The following CLECL1 variants were observed in gnomAD, a reference collection of about 807,000 sequenced individuals.
CLECL1 encodes the protein C-type lectin like 1.
chr12:9,721,094 A>G (rs1866304222), downstream of CLECL1, among the ~76,000 whole-genome samples: 1 of 151,970 alleles, frequency 6.6e-6, no homozygotes, highest in African/African-American at 2.4e-5. Flanking sequence ...AAAGCCACAC[A>G]TCTCCCTTAC....
chr12:9,725,230 A>C (rs1432988817), intron 3 of CLECL1, among the ~76,000 whole-genome samples: 1 of 152,150 alleles, frequency 6.6e-6, no homozygotes. Flanking sequence ...TTCAAGGGAG[A>C]ACATAAAAAA....
downstream of CLECL1, among the ~76,000 whole-genome samples, chr12:9,712,361 T>G (rs150069043): frequency 6.8e-3 from 1,040 of 152,326 alleles, 16 homozygotes; most frequent in African/African-American, 0.024. Flanking sequence ...GGTTTCCCTG[T>G]GGTTCACAAG....
chr12:9,708,341 T>C, the CLECL1 span, among the ~76,000 whole-genome samples: 1 of 152,114 alleles, frequency 6.6e-6, no homozygotes, highest in Non-Finnish European at 1.5e-5. Context: ...CTGTTTCTGA[T>C]AGGGAAGTTA....
the CLECL1 span, among the ~76,000 whole-genome samples, chr12:9,704,568 T>G: frequency 6.6e-6 from 1 of 152,190 alleles, no homozygotes; most frequent in Non-Finnish European, 1.5e-5. Flanking sequence ...TTTCACCCTC[T>G]GCTGTTTGGT....
downstream of CLECL1, among the ~76,000 whole-genome samples, chr12:9,710,951 A>AG (rs1866194769): frequency 6.6e-6 from 1 of 152,194 alleles, no homozygotes; most frequent in African/African-American, 2.4e-5. Flanking sequence ...CCAGTACACC[A>AG]AGGCAAGAAC....
intron 1 of CLECL1, among the ~76,000 whole-genome samples, chr12:9,731,369 T>C (rs1369431008): frequency 6.6e-6 from 1 of 152,214 alleles, no homozygotes; most frequent in African/African-American, 2.4e-5. Context: ...CAAAGATTAA[T>C]AGATTATGTA....
At chr12:9,717,984 A>C (rs1479346521), downstream of CLECL1, among the ~76,000 whole-genome samples, 1 of 151,982 alleles carries the variant, frequency 6.6e-6, no homozygotes, top group African/African-American at 2.4e-5. Context: ...AAAATCCATT[A>C]GTTTTGATGC....
intron 3 of CLECL1, among the ~76,000 whole-genome samples, chr12:9,727,185 C>T (rs1038379388): frequency 2.0e-5 from 3 of 151,714 alleles, no homozygotes; most frequent in African/African-American, 4.8e-5. Context: ...TTAGCATTTA[C>T]ATTTTTAAAT....
upstream of CLECL1, among the ~76,000 whole-genome samples, chr12:9,734,167 C>T (rs1693620551): frequency 6.6e-6 from 1 of 152,228 alleles, no homozygotes; most frequent in African/African-American, 2.4e-5. Context: ...TTAATCTAAA[C>T]TGCAGTCACC....
downstream of CLECL1, chr12:9,722,534 A>C: frequency 1.2e-5 from 18 of 1,489,392 alleles, no homozygotes; most frequent in Non-Finnish European, 1.6e-5. Flanking sequence ...TTGTATAGTT[A>C]ATAACACATG....
chr12:9,713,478 G>T (rs1294316731), downstream of CLECL1, among the ~76,000 whole-genome samples: 1 of 152,244 alleles, frequency 6.6e-6, no homozygotes, highest in Non-Finnish European at 1.5e-5. Flanking sequence ...CCCAGGCCTG[G>T]TTTCGGGCCT....
downstream of CLECL1, among the ~76,000 whole-genome samples, chr12:9,711,796 T>A (rs7485402): frequency 0.92 from 139,418 of 152,146 alleles, 63,983 homozygotes; most frequent in East Asian, 0.97. Flanking sequence ...ATGGGCTGCT[T>A]ACAATCACAT....
chr12:9,718,146 T>C (rs1866259951), downstream of CLECL1, among the ~76,000 whole-genome samples: 1 of 152,154 alleles, frequency 6.6e-6, no homozygotes, highest in South Asian at 2.1e-4. Flanking sequence ...ATTTCTAGTT[T>C]AATTTTATTA....
At chr12:9,702,406 G>T in the CLECL1 span, among the ~76,000 whole-genome samples, 5 of 152,018 alleles carry the variant, frequency 3.3e-5, no homozygotes, top group Non-Finnish European at 7.4e-5. Context: ...CTGCTATTCC[G>T]CTGCTCTGCT....
chr12:9,722,789 T>C lies in CLECL1; in HGVS notation n.287A>G, dbSNP rs201478133. 476 of 1,611,622 alleles carry C rather than the reference T, an allele frequency of 3.0e-4. 1 individual carries two copies. The highest frequency in any genetic ancestry group is 3.6e-4 in the Non-Finnish European group (419 of 1,179,044). The stretch of plus-strand genomic sequence containing the variant: ...CCAGTCTTTGGCAGGACATGATTTA[T>C]GGACAGTAGAAAAGTTGAAAGAAAC... On this transcript the variant is annotated non_coding_transcript_exon_variant, in exon 4 of 4. Coordinates refer to ENST00000621400, the Ensembl canonical transcript of CLECL1.
intron 3 of CLECL1, among the ~76,000 whole-genome samples, chr12:9,726,573 G>A (rs1190959235): frequency 1.3e-5 from 2 of 151,886 alleles, no homozygotes; most frequent in Non-Finnish European, 2.9e-5. Flanking sequence ...TTGGAATGGT[G>A]GTTGAATAGA....
At chr12:9,711,706 C>T (rs140839069), downstream of CLECL1, among the ~76,000 whole-genome samples, 23 of 151,824 alleles carry the variant, frequency 1.5e-4, no homozygotes, top group Non-Finnish European at 3.1e-4. Flanking sequence ...TTTTCCACCC[C>T]CTAAAGTTTG....
intron 1 of CLECL1, among the ~76,000 whole-genome samples, chr12:9,730,187 G>A (rs1388594341): frequency 1.3e-5 from 2 of 152,198 alleles, no homozygotes; most frequent in Non-Finnish European, 2.9e-5. Flanking sequence ...ACAGTTACTT[G>A]AGAGCAGAGC....
At chr12:9,722,587 A>C (rs1414769408), downstream of CLECL1, 2 of 1,538,566 alleles carry the variant, frequency 1.3e-6, no homozygotes, top group Non-Finnish European at 1.8e-6. Flanking sequence ...AGTTTGTAGC[A>C]CAAAAAATTC....
Sources: gnomAD v4.1 joint callset for allele counts (sites outside exome capture counted in the v4.1 genomes callset) on GRCh38, gnomAD v4.1.1 for gene constraint, MANE v1.5 for transcripts, NCBI Gene and HGNC (gene_info 2026-07-23, HGNC 2026-07-21) for gene names.